CTNNA2: variants seen among roughly 807,000 people sequenced by gnomAD.
CTNNA2 encodes catenin alpha-2.
In CTNNA2, 42 loss-of-function variants were observed where a neutral mutation model predicts 101.0. The observed-to-expected ratio is 0.42, with a 90% confidence interval of 0.32 to 0.54. The LOEUF is 0.54. Among genes scored for constraint, CTNNA2 ranks in the 20% least tolerant of loss-of-function variants. The pLI is 0.14. For synonymous variants in CTNNA2, 450 were observed against 456.4 expected, an observed-to-expected ratio of 0.99 and a Z score of 0.18; for missense variants, 871 against 1,223.1, an observed-to-expected ratio of 0.71 and a Z score of 4.29.
At chr2:79,722,307 G>T (rs1047305853) in intron 2 of CTNNA2, among the ~76,000 whole-genome samples, 3 of 152,128 alleles carry the variant, frequency 2.0e-5, no homozygotes, top group African/African-American at 7.2e-5. Context: ...AGTGTGAGGG[G>T]GTGAAATGGG....
At chr2:80,553,640 T>C (rs1178108388) in intron 11 of CTNNA2, among the ~76,000 whole-genome samples, 1 of 152,200 alleles carries the variant, frequency 6.6e-6, no homozygotes, top group Non-Finnish European at 1.5e-5. Flanking sequence ...TGAAACTTTG[T>C]CCATTCTTGT....
intron 2 of CTNNA2, among the ~76,000 whole-genome samples, chr2:79,261,459 A>C (rs1168589564): frequency 2.0e-5 from 3 of 152,242 alleles, no homozygotes; most frequent in Non-Finnish European, 2.9e-5. Context: ...TGCTATATGA[A>C]GATATCACAG....
chr2:80,036,098 C>T (rs1574600093), intron 7 of CTNNA2, among the ~76,000 whole-genome samples: 1 of 152,288 alleles, frequency 6.6e-6, no homozygotes, highest in East Asian at 1.9e-4. Context: ...CCCCCACCAG[C>T]GTCACCCAAC....
intron 7 of CTNNA2, among the ~76,000 whole-genome samples, chr2:80,308,715 C>T (rs1200070049): frequency 6.6e-6 from 1 of 151,966 alleles, no homozygotes; most frequent in Non-Finnish European, 1.5e-5. Context: ...AACTGCCATG[C>T]TCTATGAATG....
rs183138234 is a variant in CTNNA2 at position 80,473,801 on chromosome 2, A to T, written c.1290+54200A>T. Among the ~76,000 whole-genome samples, 1,115 of 152,144 alleles carry T rather than the reference A, an allele frequency of 7.3e-3. 14 individuals carry two copies. Among genetic ancestry groups the T allele is most frequent in the African/African-American group, 0.025 (1,019 of 41,498 alleles). The stretch of plus-strand genomic sequence containing the variant: ...TTGATGCTGCAGTAAAGGGCCTTTA[A>T]TTTTTCTAGCCTGGGGGTCCCTGAC... On this transcript the variant is annotated intron_variant, in intron 9 of 18. Transcript: ENST00000402739.
chr2:80,472,393 T>G (rs1243989855), intron 9 of CTNNA2, among the ~76,000 whole-genome samples: 1 of 152,080 alleles, frequency 6.6e-6, no homozygotes, highest in East Asian at 1.9e-4. Context: ...GTGGAGAAGG[T>G]GCCACATTAC....
chr2:79,572,654 AG>A (rs1675530344), intron 1 of CTNNA2, among the ~76,000 whole-genome samples: 1 of 152,194 alleles, frequency 6.6e-6, no homozygotes, highest in African/African-American at 2.4e-5. Context: ...CAGGAGCCTG[AG>A]GCACTAGAAT....
At chr2:79,398,277 C>T (rs953851384) in intron 4 of CTNNA2, among the ~76,000 whole-genome samples, 1 of 152,062 alleles carries the variant, frequency 6.6e-6, no homozygotes, top group Non-Finnish European at 1.5e-5. Context: ...TGTCTGTATG[C>T]CTTTTCCTAG....
At chr2:79,601,221 G>A (rs149631990) in intron 1 of CTNNA2, among the ~76,000 whole-genome samples, 26 of 152,262 alleles carry the variant, frequency 1.7e-4, no homozygotes, top group Non-Finnish European at 2.9e-4. Flanking sequence ...ACTACTCTTC[G>A]ATGTTGGCTT....
chr2:80,593,191 G>T (rs553344987), intron 15 of CTNNA2, among the ~76,000 whole-genome samples: 1 of 152,094 alleles, frequency 6.6e-6, no homozygotes, highest in Non-Finnish European at 1.5e-5. Context: ...AGAAAATCTG[G>T]TCTAAGGTAG....
At chr2:79,243,416 C>T (rs1277354988) in intron 2 of CTNNA2, among the ~76,000 whole-genome samples, 1 of 152,170 alleles carries the variant, frequency 6.6e-6, no homozygotes, top group Non-Finnish European at 1.5e-5. Context: ...TACAGAGAGA[C>T]ACTAATATTC....
At chr2:80,200,795 A>G (rs1707151449) in intron 7 of CTNNA2, among the ~76,000 whole-genome samples, 1 of 151,808 alleles carries the variant, frequency 6.6e-6, no homozygotes, top group Non-Finnish European at 1.5e-5. Flanking sequence ...CAGCCTCCCA[A>G]AGTGCTGGGA....
chr2:80,115,561 G>T (rs1035636932), intron 7 of CTNNA2, among the ~76,000 whole-genome samples: 10 of 152,264 alleles, frequency 6.6e-5, no homozygotes, highest in Admixed American at 6.5e-4. Context: ...AAAGCAAGTT[G>T]ACAATCTTAA....
chr2:79,535,030 G>A (rs1672970243), intron 1 of CTNNA2, among the ~76,000 whole-genome samples: 1 of 152,044 alleles, frequency 6.6e-6, no homozygotes, highest in African/African-American at 2.4e-5. Context: ...GACAGATTAA[G>A]TATGACATAA....
At chr2:80,593,704 C>T (rs1265995656) in intron 15 of CTNNA2, among the ~76,000 whole-genome samples, 3 of 152,178 alleles carry the variant, frequency 2.0e-5, no homozygotes, top group Non-Finnish European at 4.4e-5. Flanking sequence ...AGGTATCTCA[C>T]ATCAGTTGAG....
At chr2:80,480,436 A>C (rs1686059116) in intron 9 of CTNNA2, among the ~76,000 whole-genome samples, 1 of 152,182 alleles carries the variant, frequency 6.6e-6, no homozygotes, top group South Asian at 2.1e-4. Context: ...TTCCTGTAAG[A>C]GTTTCCAAAT....
In CTNNA2 at chr2:80,047,302, C is replaced by A. The variant is rs1011505808; in HGVS notation, c.1056+137505C>A. Among the ~76,000 whole-genome samples the A allele has an allele frequency of 3.9e-5, 6 of 152,210 alleles. No homozygotes were observed. In the South Asian group the frequency reaches 1.0e-3, roughly 26 times the overall value. ...TCCATCAGTCACACTTACCACATAT[C>A]AATCTGTTGTCCGTAGTCCAGAACC... On this transcript the variant is annotated intron_variant, in intron 7 of 18. Coordinates refer to ENST00000402739, the MANE Select transcript of CTNNA2 (RefSeq NM_001282597.3).
At chr2:80,345,422 T>C (rs920643610) in intron 7 of CTNNA2, among the ~76,000 whole-genome samples, 57 of 152,174 alleles carry the variant, frequency 3.7e-4, no homozygotes, top group African/African-American at 1.3e-3. Flanking sequence ...CCATAAGACC[T>C]TCCTTGTCTG....
At chr2:80,261,084 C>T (rs1446753938) in intron 7 of CTNNA2, among the ~76,000 whole-genome samples, 1 of 152,102 alleles carries the variant, frequency 6.6e-6, no homozygotes, top group Non-Finnish European at 1.5e-5. Context: ...GCATTTTGAT[C>T]CTTGGTTGAA....
Sources: allele counts gnomAD v4.1 joint callset (sites outside exome capture counted in the v4.1 genomes callset), GRCh38; gene constraint gnomAD v4.1.1; transcripts MANE v1.5; gene names NCBI Gene and HGNC (gene_info 2026-07-23, HGNC 2026-07-21).